Variants in ARHGAP24 observed in about 807,000 individuals in gnomAD.
The protein encoded by ARHGAP24 is rho GTPase-activating protein 24.
In ARHGAP24, 50 loss-of-function variants were observed where a neutral mutation model predicts 76.4. The ratio of observed to expected loss-of-function variants is 0.65; its 90% confidence interval spans 0.52 to 0.83. The LOEUF (loss-of-function observed/expected upper bound fraction) is 0.83, where lower values mean the gene tolerates loss of function less well. Ranked by LOEUF, ARHGAP24 falls within the 40% of genes least tolerant of loss-of-function variation. The probability of loss-of-function intolerance (pLI) is 0.00; values close to 1 mark genes in which losing one functional copy is unlikely to be tolerated. For missense variants in ARHGAP24, 930 were observed against 914.2 expected (o/e 1.02, Z -0.22); for synonymous variants, 345 against 323.3 (o/e 1.07, Z -0.72).
intron 1 of ARHGAP24, among the ~76,000 whole-genome samples, chr4:85,524,252 A>AT (rs1264508235): frequency 6.6e-6 from 1 of 152,062 alleles, no homozygotes; most frequent in Non-Finnish European, 1.5e-5. Flanking sequence ...CCTTGGGCTA[A>AT]TTTTTTACCA....
intron 2 of ARHGAP24, among the ~76,000 whole-genome samples, chr4:85,706,900 C>T (rs1724330834): frequency 6.6e-6 from 1 of 152,044 alleles, no homozygotes; most frequent in African/African-American, 2.4e-5. Context: ...AAATGAACGC[C>T]TTATTTTGTT....
chr4:85,910,625 C>T (rs891445438), intron 3 of ARHGAP24, among the ~76,000 whole-genome samples: 5 of 152,104 alleles, frequency 3.3e-5, no homozygotes, highest in Admixed American at 3.3e-4. Flanking sequence ...GAGTGTGTTG[C>T]TCCTCTCTGC....
At chr4:85,943,826 A>G (rs1034032203) in intron 5 of ARHGAP24, among the ~76,000 whole-genome samples, 5 of 151,346 alleles carry the variant, frequency 3.3e-5, no homozygotes, top group Non-Finnish European at 5.9e-5. Context: ...TCCATGGTGT[A>G]TATGTGCCAC....
At chr4:85,709,735 T>A (rs4315779) in intron 2 of ARHGAP24, among the ~76,000 whole-genome samples, 146,818 of 152,232 alleles carry the variant, frequency 0.96, 71,027 homozygotes, top group East Asian at 1. Flanking sequence ...TACCAACAAC[T>A]GTCAAGACAC....
chr4:85,801,282 G>C (rs1728569759), intron 3 of ARHGAP24, among the ~76,000 whole-genome samples: 1 of 152,224 alleles, frequency 6.6e-6, no homozygotes, highest in African/African-American at 2.4e-5. Context: ...CCTACAAATA[G>C]TGCTTTATGT....
intron 3 of ARHGAP24, among the ~76,000 whole-genome samples, chr4:85,740,768 T>C (rs1338773670): frequency 6.6e-6 from 1 of 152,210 alleles, no homozygotes. Flanking sequence ...TGGCTTATTT[T>C]ACCATGAAAC....
chr4:85,733,804 C>T (rs1273889537), intron 3 of ARHGAP24, among the ~76,000 whole-genome samples: 1 of 152,146 alleles, frequency 6.6e-6, no homozygotes, highest in Non-Finnish European at 1.5e-5. Context: ...GGGCCACCCT[C>T]ATCACCTCAT....
intron 3 of ARHGAP24, among the ~76,000 whole-genome samples, chr4:85,816,552 T>C (rs1359452883): frequency 1.3e-5 from 2 of 152,234 alleles, no homozygotes; most frequent in Non-Finnish European, 2.9e-5. Flanking sequence ...ACTTTTTTTG[T>C]TATTTTACCT....
At chr4:85,741,495 G>A (rs1299560572) in intron 3 of ARHGAP24, among the ~76,000 whole-genome samples, 1 of 147,446 alleles carries the variant, frequency 6.8e-6, no homozygotes, top group Non-Finnish European at 1.5e-5. Flanking sequence ...TATGACTTCT[G>A]CATTTTTATT....
At chr4:85,488,644 T>G (rs1315173197) in intron 1 of ARHGAP24, among the ~76,000 whole-genome samples, 3 of 152,176 alleles carry the variant, frequency 2.0e-5, no homozygotes, top group Non-Finnish European at 4.4e-5. Context: ...GCTGGCCTAT[T>G]TCTCAGGAGC....
chr4:85,756,089 T>C (rs1282100520), intron 3 of ARHGAP24, among the ~76,000 whole-genome samples: 2 of 152,236 alleles, frequency 1.3e-5, no homozygotes, highest in Non-Finnish European at 2.9e-5. Flanking sequence ...TTGTAATGTA[T>C]GTATCATTAT....
intron 2 of ARHGAP24, among the ~76,000 whole-genome samples, chr4:85,704,478 A>G (rs1724222197): frequency 1.3e-5 from 2 of 152,148 alleles, no homozygotes; most frequent in African/African-American, 4.8e-5. Context: ...AATAAGAAAA[A>G]ATATGGTAGT....
In ARHGAP24 at chr4:85,521,771, C is replaced by T. The variant is rs942456073; in HGVS notation, c.-21+46212C>T. ...GTTACAAGCATAGTACATATTCTTT[C>T]CAAATCTCACAGTCTCATAGGAAAC... On this transcript the variant is annotated intron_variant, in intron 1 of 9. Transcript: ENST00000395184. 6.6e-5 allele frequency among the ~76,000 whole-genome samples: 10 copies of T among 152,122 alleles called. 1 individual carries two copies.
chr4:85,987,349 C>T (rs895884498), intron 8 of ARHGAP24, among the ~76,000 whole-genome samples: 1 of 151,976 alleles, frequency 6.6e-6, no homozygotes, highest in Non-Finnish European at 1.5e-5. Context: ...AGAACGAAGT[C>T]CAACACATCT....
rs576099736 is a variant in ARHGAP24 at position 85,630,062 on chromosome 4, T to C, written c.180+59341T>C. Among the ~76,000 whole-genome samples the C allele has an allele frequency of 8.7e-4, 133 of 152,226 alleles. 1 individual carries two copies. Among genetic ancestry groups the C allele is most frequent in the African/African-American group, 3.0e-3 (125 of 41,560 alleles). Reference sequence around the variant, plus strand: ...TTCTCTTCTTTCTTTCTTTTTCCTCTAGGTAATTTTAAATGACCTGTCCTT... The same window carrying C: ...TTCTCTTCTTTCTTTCTTTTTCCTCCAGGTAATTTTAAATGACCTGTCCTT... On this transcript the variant is annotated intron_variant, in intron 2 of 9. Transcript: ENST00000395184.
rs7684180 is a variant in ARHGAP24, at chr4:85,714,694, T to C, written c.181-7191T>C. On this transcript the variant is annotated intron_variant, in intron 2 of 9. Transcript: ENST00000395184. ...AAATTTATAACAATGCTTAGGTCAGTGTTCTCCCAAAAAATTATGCATCAG... is the reference window on the plus strand; with the variant it reads ...AAATTTATAACAATGCTTAGGTCAGCGTTCTCCCAAAAAATTATGCATCAG... Among the ~76,000 whole-genome samples the C allele has an allele frequency of 3.0e-3, 463 of 152,234 alleles. 1 individual carries two copies. Among genetic ancestry groups the C allele is most frequent in the African/African-American group, 0.011 (438 of 41,556 alleles).
intron 3 of ARHGAP24, among the ~76,000 whole-genome samples, chr4:85,797,167 TTTTTTG>T (rs1333488430): frequency 0.024 from 2,230 of 91,764 alleles, 18 homozygotes; most frequent in Non-Finnish European, 0.03. Flanking sequence ...TTTTGTTTTT[TTTTTTG>T]TTTTTGTTTT....
At chr4:85,684,528 G>A (rs369121048) in intron 2 of ARHGAP24, among the ~76,000 whole-genome samples, 4 of 152,068 alleles carry the variant, frequency 2.6e-5, no homozygotes. Context: ...TGCTTCCTGT[G>A]CTGTAGAAGA....
At chr4:85,746,899 C>A (rs28490560) in intron 3 of ARHGAP24, among the ~76,000 whole-genome samples, 1 of 151,764 alleles carries the variant, frequency 6.6e-6, no homozygotes, top group African/African-American at 2.4e-5. Flanking sequence ...GTGATCTGCC[C>A]GCCTCAGCCT....
Sources: gnomAD v4.1 joint callset for allele counts (sites outside exome capture counted in the v4.1 genomes callset) on GRCh38, gnomAD v4.1.1 for gene constraint, MANE v1.5 for transcripts, NCBI Gene and HGNC (gene_info 2026-07-23, HGNC 2026-07-21) for gene names.